The following DLAT variants were observed in gnomAD, a reference collection of about 807,000 sequenced individuals.
DLAT encodes the protein dihydrolipoyllysine-residue acetyltransferase component of pyruvate dehydrogenase complex, mitochondrial.
DLAT carries 43 observed loss-of-function variants against 68.0 expected under a neutral mutation model. The observed-to-expected ratio is 0.63, with a 90% CI of 0.50 to 0.81. The LOEUF is 0.81. Ranked by LOEUF, DLAT falls within the 40% of genes least tolerant of loss-of-function variation. The pLI is 0.00. For synonymous variants in DLAT, 265 were observed against 288.6 expected (o/e 0.92, Z 0.83); for missense variants, 745 against 815.4 (o/e 0.91, Z 1.05).
Position 112,045,134 on chromosome 11 carries a change from A to G in DLAT, c.1198-4A>G, listed in dbSNP as rs782456723. ...TACTAAGAGCTTTTTCTTTCCTCCC[A>G]TAGGCTCCGGCAGCTGTTGTGCCTC... On this transcript the variant is annotated splice_polypyrimidine_tract_variant and splice_region_variant and intron_variant, in intron 8 of 13. Coordinates refer to ENST00000280346, the MANE Select transcript of DLAT (RefSeq NM_001931.5). 3 of 1,613,026 alleles carry G rather than the reference A, an allele frequency of 1.9e-6. No individual in the cohort carries two copies. Among genetic ancestry groups the G allele is most frequent in the East Asian group, 4.5e-5 (2 of 44,860 alleles).
Position 112,062,672 on chromosome 11 carries a change from A to T in DLAT, c.*137A>T, listed in dbSNP as rs1255505835. The T allele has an allele frequency of 9.8e-7, 1 of 1,019,574 alleles. No individual in the cohort carries two copies. The highest frequency in any genetic ancestry group is 1.4e-6 in the Non-Finnish European group (1 of 692,680). 63.2% of individuals were successfully genotyped at this position (1,019,574 alleles called of 1,614,324 possible). ...TTGAGTCTGTCCAGATAAGTTATTT[A>T]TAATGGGCATTACTGAATTTTTAAA... On this transcript the variant is annotated 3_prime_UTR_variant, in exon 14 of 14. Coordinates refer to ENST00000280346, the MANE Select transcript of DLAT (RefSeq NM_001931.5).
At chr11:112,043,907 T>A (rs1018324694) in intron 8 of DLAT, among the ~76,000 whole-genome samples, 5 of 152,224 alleles carry the variant, frequency 3.3e-5, no homozygotes, top group African/African-American at 1.2e-4. Context: ...AGTCTGTACT[T>A]GTGCAGTTCA....
At chr11:112,045,315 C>T in intron 9 of DLAT, 85 bp downstream of exon 9, 1 of 1,134,338 alleles carries the variant, frequency 8.8e-7, no homozygotes, top group Non-Finnish European at 1.3e-6. Context: ...AACACATTAA[C>T]AGAGGCTTTT....
rs75602233 is a variant in DLAT at position 112,049,741 on chromosome 11, T to C, written c.1399-1493T>C. On this transcript the variant is annotated intron_variant, in intron 10 of 13. Coordinates refer to ENST00000280346, the MANE Select transcript of DLAT (RefSeq NM_001931.5). Reference sequence around the variant, plus strand: ...GCTGAAATGGGATCTATATTGACCTTGTATCCTGCAAACTTGCTGAAGTCA... The same window carrying C: ...GCTGAAATGGGATCTATATTGACCTCGTATCCTGCAAACTTGCTGAAGTCA... Among the ~76,000 whole-genome samples, 639 of 152,338 alleles carry C rather than the reference T, an allele frequency of 4.2e-3. 3 individuals are homozygous for C. Among genetic ancestry groups the C allele is most frequent in the African/African-American group, 0.015 (612 of 41,570 alleles).
chr11:112,036,287 C>T (rs1555180501), intron 5 of DLAT, among the ~76,000 whole-genome samples: 1 of 141,282 alleles, frequency 7.1e-6, no homozygotes, highest in African/African-American at 2.6e-5. Context: ...GATCTCGGCT[C>T]ACCACAACCT....
At chr11:112,036,405 G>T (rs1340731753) in intron 5 of DLAT, among the ~76,000 whole-genome samples, 1 of 150,616 alleles carries the variant, frequency 6.6e-6, no homozygotes. Context: ...TAGAGACGGG[G>T]TTTCTCCACG....
intron 11 of DLAT, among the ~76,000 whole-genome samples, chr11:112,052,029 C>G (rs971218706): frequency 6.6e-6 from 1 of 152,130 alleles, no homozygotes; most frequent in African/African-American, 2.4e-5. Context: ...AAGTAACTTG[C>G]CCTGAGTTAA....
At chr11:112,035,046 G>A (rs1862627677) in intron 5 of DLAT, among the ~76,000 whole-genome samples, 1 of 152,174 alleles carries the variant, frequency 6.6e-6, no homozygotes, top group African/African-American at 2.4e-5. Context: ...AAAGTGCTGG[G>A]ATTACAGGCA....
intron 9 of DLAT, among the ~76,000 whole-genome samples, chr11:112,045,643 G>A (rs1315243723): frequency 1.0e-4 from 15 of 150,398 alleles, no homozygotes; most frequent in Non-Finnish European, 1.9e-4. Flanking sequence ...AGCCGAGATC[G>A]CACCACCGCA....
chr11:112,027,933 CGGAGAGGGAGAG>C (rs879971191), intron 2 of DLAT, among the ~76,000 whole-genome samples: 1 of 147,702 alleles, frequency 6.8e-6, no homozygotes, highest in Non-Finnish European at 1.5e-5. Flanking sequence ...GAGAGGGAGA[CGGAGAGGGAGAG>C]GGAGAGGGTA....
chr11:112,037,471 T>G lies in DLAT; in HGVS notation c.975+11T>G, dbSNP rs1396981840. On this transcript the variant is annotated intron_variant, in intron 6 of 13. Transcript: ENST00000280346. ...CCTACCCCACCCCCGGTAGGTATGCTTCTAGAATTCAGGAAACACTTACCT... is the reference window on the plus strand; with the variant it reads ...CCTACCCCACCCCCGGTAGGTATGCGTCTAGAATTCAGGAAACACTTACCT... 1.9e-6 allele frequency: 3 copies of G among 1,613,290 alleles called. No homozygotes were observed. The Admixed American group carries it at 5.0e-5, about 27-fold the overall frequency.
At chr11:112,049,027 T>C (rs2137809926) in intron 10 of DLAT, among the ~76,000 whole-genome samples, 1 of 141,696 alleles carries the variant, frequency 7.1e-6, no homozygotes, top group Non-Finnish European at 1.5e-5. Flanking sequence ...TCACCCAGGC[T>C]AGAGTGCAGT....
At chr11:112,039,459 A>C (rs988818108) in intron 7 of DLAT, 62 bp downstream of exon 7, 80 of 1,533,978 alleles carry the variant, frequency 5.2e-5, no homozygotes, top group Non-Finnish European at 6.8e-5. Context: ...TTCCTCCTTA[A>C]GACTTGCAAG....
At chr11:112,053,695 C>T (rs1365975430) in intron 11 of DLAT, among the ~76,000 whole-genome samples, 2 of 152,112 alleles carry the variant, frequency 1.3e-5, no homozygotes, top group Admixed American at 6.5e-5. Context: ...CCTTGTGAGC[C>T]GCCCACCTTG....
chr11:112,036,341 G>T (rs587728463), intron 5 of DLAT, among the ~76,000 whole-genome samples: 11 of 148,466 alleles, frequency 7.4e-5, no homozygotes, highest in Admixed American at 3.4e-4. Context: ...AGCCTCCCGA[G>T]TAGCTGGGAT....
intron 2 of DLAT, among the ~76,000 whole-genome samples, chr11:112,028,252 C>G (rs781896980): frequency 1.3e-5 from 2 of 152,006 alleles, no homozygotes; most frequent in African/African-American, 4.8e-5. Context: ...AACCCCGTCT[C>G]TGCTAAAAAT....
intron 7 of DLAT, among the ~76,000 whole-genome samples, chr11:112,042,692 G>C (rs1863107921): frequency 6.6e-6 from 1 of 152,170 alleles, no homozygotes; most frequent in African/African-American, 2.4e-5. Flanking sequence ...AACCTAAGAG[G>C]CTGTAGGTGG....
In DLAT at chr11:112,045,413, C is replaced by T. The variant is rs117992758; in HGVS notation, c.1290+183C>T. Among the ~76,000 whole-genome samples the T allele has an allele frequency of 2.2e-3, 331 of 152,250 alleles. 3 individuals carry two copies. The highest frequency in any genetic ancestry group is 0.018 in the East Asian group (92 of 5,180). On this transcript the variant is annotated intron_variant, in intron 9 of 13. Transcript: ENST00000280346. Reference sequence around the variant, plus strand: ...CTTTGTTCCTATTAGAAGGGCCAGGCGCAGTAGCTCATGCCTGTAATCCCA... The same window carrying T: ...CTTTGTTCCTATTAGAAGGGCCAGGTGCAGTAGCTCATGCCTGTAATCCCA...
intron 11 of DLAT, among the ~76,000 whole-genome samples, chr11:112,059,465 T>C (rs1864397386): frequency 1.3e-5 from 2 of 151,680 alleles, no homozygotes; most frequent in Admixed American, 1.3e-4. Context: ...TGATCTCAGC[T>C]CACTGCAACC....
Sources: gnomAD v4.1 joint callset for allele counts (sites outside exome capture counted in the v4.1 genomes callset) on GRCh38, gnomAD v4.1.1 for gene constraint, MANE v1.5 for transcripts, NCBI Gene and HGNC (gene_info 2026-07-23, HGNC 2026-07-21) for gene names.